PLD3: variants seen among roughly 807,000 people sequenced by gnomAD.
PLD3 encodes 5'-3' exonuclease PLD3.
A neutral mutation model predicts 58.4 loss-of-function variants in PLD3; 31 were observed. The ratio of observed to expected loss-of-function variants is 0.53; its 90% CI spans 0.40 to 0.72. PLD3 has a LOEUF of 0.72. Ranked by LOEUF, PLD3 falls within the 30% of genes least tolerant of loss-of-function variation. PLD3 has a pLI of 0.00. For missense variants in PLD3, 595 were observed against 659.8 expected (o/e 0.90, Z 1.08); for synonymous variants, 264 against 273.4 (o/e 0.97, Z 0.34).
chr19:40,367,070 C>A, intron 5 of PLD3, 155 bp downstream of exon 5: 1 of 717,450 alleles, frequency 1.4e-6, no homozygotes. Context: ...CCCTCCTCCT[C>A]CACACACATA....
intron 6 of PLD3, among the ~76,000 whole-genome samples, chr19:40,369,604 T>C (rs185265252): frequency 1.6e-4 from 24 of 152,160 alleles, no homozygotes; most frequent in African/African-American, 5.3e-4. Flanking sequence ...GCCCCCACCA[T>C]ACTGGGAGAT....
Position 40,370,105 on chromosome 19 carries a change from C to A in PLD3, c.551-5C>A. The A allele has an allele frequency of 6.2e-7, 1 of 1,607,294 alleles. No homozygotes were observed. Among genetic ancestry groups the A allele is most frequent in the South Asian group, 1.1e-5 (1 of 89,934 alleles). ...GCCCCTGATCTCTGCCCCTGCTGGT[C>A]ACAGGTGCCCAGGTCCGCATGGTGG... On this transcript the variant is annotated splice_region_variant and splice_polypyrimidine_tract_variant and intron_variant, in intron 7 of 12. Coordinates refer to ENST00000409735, the MANE Select transcript of PLD3 (RefSeq NM_012268.4).
chr19:40,349,694 C>T (rs1307976150), intron 1 of PLD3, among the ~76,000 whole-genome samples: 1 of 152,182 alleles, frequency 6.6e-6, no homozygotes, highest in Non-Finnish European at 1.5e-5. Flanking sequence ...TGCGGTGGCT[C>T]ATGCCTGTAA....
chr19:40,367,850 A>T lies in PLD3; in HGVS notation c.400A>T (p.Thr134Ser), dbSNP rs1600308293. ...CTACTGGACCCTCACCAACAATGAC[A>T]CCCACACGCAGGAGCCCTCTGCCCA... Reference protein sequence around the residue: ...SFYWTLTNNDTHTQEPSAQQG... With the variant: ...SFYWTLTNNDSHTQEPSAQQG... The change falls in exon 6 of 13, where the codon ACC (threonine) becomes TCC (serine). Residue 134 changes from threonine (T) to serine (S), a missense_variant. Transcript: ENST00000409735. 2 of 1,565,296 alleles carry T rather than the reference A, an allele frequency of 1.3e-6. No homozygotes were observed.
intron 1 of PLD3, among the ~76,000 whole-genome samples, chr19:40,354,743 C>T (rs531362366): frequency 6.6e-6 from 1 of 151,588 alleles, no homozygotes; most frequent in East Asian, 2.0e-4. Flanking sequence ...CCAGGCTGGT[C>T]TCGAGCTCCT....
intron 9 of PLD3, among the ~76,000 whole-genome samples, chr19:40,373,589 A>AAG (rs2079118690): frequency 1.7e-5 from 2 of 118,048 alleles, no homozygotes; most frequent in African/African-American, 3.3e-5. Flanking sequence ...AAAAAAAAAA[A>AAG]GGGGGGGAAG....
At chr19:40,353,516 A>T (rs2078570581) in intron 1 of PLD3, among the ~76,000 whole-genome samples, 1 of 152,176 alleles carries the variant, frequency 6.6e-6, no homozygotes, top group Non-Finnish European at 1.5e-5. Context: ...TCATCTGAAA[A>T]ACAGAGATGG....
intron 1 of PLD3, among the ~76,000 whole-genome samples, chr19:40,365,112 A>G (rs996960900): frequency 1.3e-5 from 2 of 152,070 alleles, no homozygotes; most frequent in African/African-American, 4.8e-5. Flanking sequence ...ACTTCCTGCC[A>G]TGTGTGTTTG....
intron 1 of PLD3, among the ~76,000 whole-genome samples, chr19:40,352,409 T>C (rs2078541944): frequency 6.6e-6 from 1 of 152,090 alleles, no homozygotes; most frequent in South Asian, 2.1e-4. Context: ...GATCTACAGA[T>C]GATGAACAAC....
At chr19:40,370,299 C>T in intron 8 of PLD3, 62 bp downstream of exon 8, 1 of 1,539,864 alleles carries the variant, frequency 6.5e-7, no homozygotes, top group Non-Finnish European at 8.8e-7. Flanking sequence ...GGCACCCAGC[C>T]TCCGACTGCA....
rs2078909759 is a variant in PLD3, at chr19:40,365,922, C to T, written c.-74C>T. On this transcript the variant is annotated 5_prime_UTR_variant, in exon 2 of 13. Transcript: ENST00000409735. ...AGACGCCTGAGAGCGAGGCCGAGGC[C>T]CCTCAGGGGTAGGTGGGGGGAGGCT... 1 of 156,534 alleles carries T rather than the reference C, an allele frequency of 6.4e-6. No individual in the cohort carries two copies. The highest frequency in any genetic ancestry group is 1.4e-5 in the Non-Finnish European group (1 of 70,664). 9.7% of individuals were successfully genotyped at this position (156,534 alleles called of 1,614,324 possible). A position where few individuals can be genotyped will look rare whatever the true frequency, so the allele number is the denominator to read the frequency against.
rs2079212363 is a variant in PLD3 at position 40,376,710 on chromosome 19, T to C, written c.1121T>C (p.Met374Thr). The change falls in exon 11 of 13, where the codon ATG becomes ACG. Residue 374 changes from methionine to threonine, a missense_variant. Coordinates refer to ENST00000409735, the MANE Select transcript of PLD3 (RefSeq NM_012268.4). ...ISCWGHSEPS[M>T]RAFLLSLAAL... is the part of the protein sequence containing the mutation. The stretch of plus-strand genomic sequence containing the variant: ...TGCTGGGGACACTCGGAGCCATCCA[T>C]GCGGGCCTTCCTGCTCTCTCTGGCT... 1.2e-6 allele frequency: 2 copies of C among 1,603,370 alleles called. No homozygotes were observed. Among genetic ancestry groups the C allele is most frequent in the South Asian group, 1.1e-5 (1 of 91,094 alleles).
chr19:40,371,088 G>A (rs1033775623), intron 8 of PLD3, among the ~76,000 whole-genome samples: 5 of 152,206 alleles, frequency 3.3e-5, no homozygotes, highest in Non-Finnish European at 5.9e-5. Flanking sequence ...GATCCCTGAA[G>A]GATAGGGAGG....
intron 1 of PLD3, among the ~76,000 whole-genome samples, chr19:40,354,672 C>T (rs1385400673): frequency 6.6e-6 from 1 of 151,842 alleles, no homozygotes; most frequent in Non-Finnish European, 1.5e-5. Context: ...ATTACAAGTG[C>T]GTACCACCAC....
rs757079375 is a variant in PLD3 at position 40,374,546 on chromosome 19, G to A, written c.945G>A (p.Val315=). The change falls in exon 10 of 13, where the codon GTG becomes GTA. Residue 315 remains valine (V), a synonymous_variant. Coordinates refer to ENST00000409735, the MANE Select transcript of PLD3 (RefSeq NM_012268.4). ...TPDLKALLNV[V]DNARSFIYVA... is the part of the protein sequence containing the mutation. ...ACCTGAAGGCTCTACTCAACGTGGTGGACAATGCCCGGAGTTTCATCTACG... is the reference window on the plus strand; with the variant it reads ...ACCTGAAGGCTCTACTCAACGTGGTAGACAATGCCCGGAGTTTCATCTACG... 2 of 1,614,158 alleles carry A rather than the reference G, an allele frequency of 1.2e-6. No homozygotes were observed. Among genetic ancestry groups the A allele is most frequent in the South Asian group, 1.1e-5 (1 of 91,086 alleles).
intron 10 of PLD3, among the ~76,000 whole-genome samples, chr19:40,375,550 T>C (rs1201056561): frequency 6.7e-6 from 1 of 149,490 alleles, no homozygotes; most frequent in East Asian, 2.0e-4. Flanking sequence ...CTTGGGAGGC[T>C]GAGGCAGGAG....
rs1160891929 is a variant in PLD3 at position 40,366,513 on chromosome 19, A to G, written c.27+3A>G. The G allele has an allele frequency of 6.2e-7, 1 of 1,612,840 alleles. No individual in the cohort carries two copies. The highest frequency in any genetic ancestry group is 1.7e-5 in the Admixed American group (1 of 59,890). ...AGCCTAAACTGATGTACCAGGAGGT[A>G]GGTGGATTGGGGGGCTCAGCAGGGT... On this transcript the variant is annotated splice_donor_region_variant and intron_variant, in intron 3 of 12. Transcript: ENST00000409735.
At position 40,370,036 on chromosome 19, in the gene PLD3, G is replaced by A. The variant is rs1428261105; in HGVS notation, c.550+8G>A. ...AGGCTCTGCTGCAGAGCGGTGAGCT[G>A]GGGCCCAACTGGGGCTGGTCTGGGC... On this transcript the variant is annotated splice_region_variant and intron_variant, in intron 7 of 12. Coordinates refer to ENST00000409735, the MANE Select transcript of PLD3 (RefSeq NM_012268.4). 4 of 1,566,366 alleles carry A rather than the reference G, an allele frequency of 2.6e-6. No homozygotes were observed. Among genetic ancestry groups the A allele is most frequent in the South Asian group, 2.3e-5 (2 of 85,920 alleles).
rs762590435 is a variant in PLD3, at chr19:40,378,025, C to G, written c.1325C>G (p.Ala442Gly). Residue 442 changes from alanine (A) to glycine (G), a missense_variant, in exon 13 of 13, where the codon GCG becomes GGG. By Grantham distance (60) the Ala-to-Gly change is moderately conservative. Coordinates refer to ENST00000409735, the MANE Select transcript of PLD3 (RefSeq NM_012268.4). Reference sequence around the variant, plus strand: ...TCTGGCAACTACTTCACGGAGACGGCGGGCACCTCGCTGCTGGTGACGCAG... The same window carrying G: ...TCTGGCAACTACTTCACGGAGACGGGGGGCACCTCGCTGCTGGTGACGCAG... ...NWSGNYFTET[A>G]GTSLLVTQNG... is the part of the protein sequence containing the mutation. 4.3e-6 allele frequency: 7 copies of G among 1,613,184 alleles called. No homozygotes were observed. The African/African-American group carries it at 8.0e-5, about 18-fold the overall frequency.
Sources: allele counts gnomAD v4.1 joint callset (sites outside exome capture counted in the v4.1 genomes callset), GRCh38; gene constraint gnomAD v4.1.1; transcripts MANE v1.5; gene names NCBI Gene and HGNC (gene_info 2026-07-23, HGNC 2026-07-21).